The following MGMT variants were observed in gnomAD, a reference collection of about 807,000 sequenced individuals.
MGMT encodes the protein O-6-methylguanine-DNA methyltransferase, also known as methylated-DNA--protein-cysteine methyltransferase.
Under a neutral mutation model 15.9 loss-of-function variants are expected in MGMT, and 14 were observed. The ratio of observed to expected loss-of-function variants is 0.88; its 90% CI spans 0.58 to 1.37. MGMT has a LOEUF of 1.37. MGMT is among the 40% of genes most tolerant of loss of function. The probability of loss-of-function intolerance (pLI) is 0.00; values close to 1 mark genes in which losing one functional copy is unlikely to be tolerated. For missense variants in MGMT, 282 were observed against 268.1 expected, an observed-to-expected ratio of 1.05 and a Z score of -0.36; for synonymous variants, 130 against 118.2, an observed-to-expected ratio of 1.10 and a Z score of -0.65.
chr10:129,705,773 G>A (rs1315638081), intron 2 of MGMT, among the ~76,000 whole-genome samples: 3 of 152,292 alleles, frequency 2.0e-5, no homozygotes, highest in East Asian at 1.9e-4. Flanking sequence ...GGACACCAGC[G>A]GTAGCAACAG....
intron 4 of MGMT, 137 bp from the exon 5 acceptor site, chr10:129,766,651 C>A (rs1410710732): frequency 4.1e-6 from 3 of 728,934 alleles, no homozygotes; most frequent in Non-Finnish European, 6.6e-6. Context: ...GACACCCACC[C>A]ATGCCAACAG....
At chr10:129,709,740 C>T (rs1297868573) in intron 3 of MGMT, among the ~76,000 whole-genome samples, 8 of 152,140 alleles carry the variant, frequency 5.3e-5, no homozygotes, top group South Asian at 2.1e-4. Context: ...CCATGAAAAT[C>T]GTTAGTTTTC....
intron 3 of MGMT, among the ~76,000 whole-genome samples, chr10:129,736,622 T>A (rs1310059558): frequency 6.6e-6 from 1 of 152,092 alleles, no homozygotes; most frequent in Admixed American, 6.5e-5. Flanking sequence ...AGCTGGTTAT[T>A]TTGCTCGTTA....
chr10:129,695,004 G>A (rs924494375), intron 2 of MGMT, among the ~76,000 whole-genome samples: 3 of 152,230 alleles, frequency 2.0e-5, no homozygotes, highest in East Asian at 1.9e-4. Context: ...TGTAGTTAAC[G>A]TTGTTTTATT....
intron 3 of MGMT, among the ~76,000 whole-genome samples, chr10:129,709,817 A>G (rs1480026433): frequency 2.6e-5 from 4 of 152,198 alleles, no homozygotes; most frequent in African/African-American, 7.2e-5. Flanking sequence ...CAGGGTCCAG[A>G]GAGTGGTGTG....
intron 2 of MGMT, among the ~76,000 whole-genome samples, chr10:129,693,517 T>G (rs910981916): frequency 6.6e-6 from 1 of 152,156 alleles, no homozygotes. Context: ...GGTTTGCATG[T>G]CCAGGCAGTA....
chr10:129,670,225 G>A (rs1564754799), intron 2 of MGMT, among the ~76,000 whole-genome samples: 1 of 152,044 alleles, frequency 6.6e-6, no homozygotes, highest in Non-Finnish European at 1.5e-5. Context: ...AGTAACCATA[G>A]GCCTTAACAT....
chr10:129,737,516 G>A (rs1004082246), intron 3 of MGMT, among the ~76,000 whole-genome samples: 41 of 152,192 alleles, frequency 2.7e-4, no homozygotes, highest in African/African-American at 8.2e-4. Context: ...CCCGTAGCTC[G>A]GAGTAATTTG....
intron 2 of MGMT, among the ~76,000 whole-genome samples, chr10:129,629,041 C>T (rs950158530): frequency 6.6e-6 from 1 of 152,228 alleles, no homozygotes; most frequent in Non-Finnish European, 1.5e-5. Context: ...ACACAGCACA[C>T]GTCAGCCTTG....
intron 3 of MGMT, among the ~76,000 whole-genome samples, chr10:129,735,101 C>T (rs925049378): frequency 2.1e-4 from 32 of 152,104 alleles, no homozygotes; most frequent in African/African-American, 6.8e-4. Flanking sequence ...GGATTCCCTC[C>T]TTTTCTATTG....
chr10:129,599,184 A>G (rs1037030803), intron 2 of MGMT, among the ~76,000 whole-genome samples: 2 of 152,220 alleles, frequency 1.3e-5, no homozygotes, highest in East Asian at 3.9e-4. Context: ...CGTTTGCCTT[A>G]TTTGAACATG....
chr10:129,589,230 G>A (rs1349064571), intron 2 of MGMT, among the ~76,000 whole-genome samples: 1 of 152,220 alleles, frequency 6.6e-6, no homozygotes, highest in Non-Finnish European at 1.5e-5. Flanking sequence ...TTAATTCTGT[G>A]TTCTGGTGTC....
intron 2 of MGMT, among the ~76,000 whole-genome samples, chr10:129,634,649 GT>G (rs1847246127): frequency 2.6e-5 from 4 of 151,664 alleles, no homozygotes; most frequent in African/African-American, 9.7e-5. Context: ...TCCATTGTAG[GT>G]TTTTTTAGTT....
At chr10:129,478,745 T>C (rs1459509505) in intron 1 of MGMT, among the ~76,000 whole-genome samples, 1 of 152,222 alleles carries the variant, frequency 6.6e-6, no homozygotes, top group African/African-American at 2.4e-5. Flanking sequence ...GGGGCCCAGC[T>C]GTGCAGGGAG....
chr10:129,699,088 C>T (rs906357875), intron 2 of MGMT, among the ~76,000 whole-genome samples: 1 of 152,098 alleles, frequency 6.6e-6, no homozygotes, highest in African/African-American at 2.4e-5. Context: ...TTTTTATCTT[C>T]ATCTGTCAAA....
At chr10:129,584,489 A>T (rs1846596238) in intron 2 of MGMT, among the ~76,000 whole-genome samples, 1 of 152,026 alleles carries the variant, frequency 6.6e-6, no homozygotes, top group Admixed American at 6.5e-5. Flanking sequence ...ACATACTCTA[A>T]AATTTACCCA....
chr10:129,643,448 C>G (rs1055678710), intron 2 of MGMT, among the ~76,000 whole-genome samples: 4 of 152,150 alleles, frequency 2.6e-5, no homozygotes, highest in African/African-American at 9.7e-5. Context: ...GGTTCAAAGG[C>G]AGAGAGCCTG....
At chr10:129,761,520 C>T (rs1270279186) in intron 4 of MGMT, among the ~76,000 whole-genome samples, 4 of 152,208 alleles carry the variant, frequency 2.6e-5, no homozygotes, top group Non-Finnish European at 4.4e-5. Flanking sequence ...TGGCGATATT[C>T]GGAGACATTT....
At chr10:129,680,721 C>T (rs926100445) in intron 2 of MGMT, among the ~76,000 whole-genome samples, 11 of 152,202 alleles carry the variant, frequency 7.2e-5, no homozygotes, top group African/African-American at 2.4e-4. Context: ...CTCAGGTACC[C>T]GCTCTGGGAA....
Sources: gnomAD v4.1 joint callset for allele counts (sites outside exome capture counted in the v4.1 genomes callset) on GRCh38, gnomAD v4.1.1 for gene constraint, MANE v1.5 for transcripts, NCBI Gene and HGNC (gene_info 2026-07-23, HGNC 2026-07-21) for gene names.